Variants in UBAP1 observed in about 807,000 individuals in gnomAD.
The protein encoded by UBAP1 is ubiquitin associated protein 1.
In UBAP1, 5 loss-of-function variants were observed where a neutral mutation model predicts 39.0. The observed-to-expected ratio is 0.13, with a 90% CI of 0.07 to 0.27. The LOEUF is 0.27. UBAP1 is among the 10% of genes least tolerant of loss of function. The probability of loss-of-function intolerance (pLI) is 1.00; values close to 1 mark genes in which losing one functional copy is unlikely to be tolerated. For synonymous variants in UBAP1, 211 were observed against 225.1 expected, an observed-to-expected ratio of 0.94 and a Z score of 0.56; for missense variants, 490 against 608.1, an observed-to-expected ratio of 0.81 and a Z score of 2.04.
At chr9:34,224,076 G>C (rs577698947) in intron 2 of UBAP1, 18 of 633,780 alleles carry the variant, frequency 2.8e-5, no homozygotes, top group African/African-American at 2.8e-4. Context: ...CACTGTCCCG[G>C]CCTTGAAGTG....
chr9:34,235,343 G>A (rs1335938857), intron 3 of UBAP1, among the ~76,000 whole-genome samples: 1 of 143,980 alleles, frequency 6.9e-6, no homozygotes, highest in African/African-American at 2.5e-5. Flanking sequence ...ATATATATAT[G>A]TATGTATTTT....
At chr9:34,186,473 C>G (rs527321158) in intron 1 of UBAP1, among the ~76,000 whole-genome samples, 1 of 152,270 alleles carries the variant, frequency 6.6e-6, no homozygotes, top group East Asian at 1.9e-4. Context: ...CTTGTGGTTA[C>G]TGAGTCAAGA....
intron 1 of UBAP1, among the ~76,000 whole-genome samples, chr9:34,184,440 G>A (rs1331131763): frequency 6.6e-6 from 1 of 150,912 alleles, no homozygotes; most frequent in Non-Finnish European, 1.5e-5. Flanking sequence ...GACCATCCTG[G>A]CTAACACGGT....
In UBAP1 at chr9:34,179,180, G is replaced by A; in HGVS notation, c.-68G>A. 8.1e-7 allele frequency: 1 copy of A among 1,237,688 alleles called. No individual in the cohort carries two copies. Among genetic ancestry groups the A allele is most frequent in the Non-Finnish European group, 1.0e-6 (1 of 989,384 alleles). The allele number at this position is 1,237,688 out of a possible 1,614,324, so 76.7% of individuals were successfully genotyped here. ...CGGGAGCTCAGCGGGGACCGAGCCT[G>A]GGAGGCCGGCCGGTGCCAGCACCTT... On this transcript the variant is annotated 5_prime_UTR_variant, in exon 1 of 7. Transcript: ENST00000297661.
chr9:34,213,582 T>C (rs915632476), intron 1 of UBAP1, among the ~76,000 whole-genome samples: 1 of 152,002 alleles, frequency 6.6e-6, no homozygotes, highest in Non-Finnish European at 1.5e-5. Flanking sequence ...TGGGGAAAAG[T>C]GGAAAGCATT....
At chr9:34,250,548 A>G in intron 5 of UBAP1, 110 bp from the exon 6 acceptor site, 1 of 754,380 alleles carries the variant, frequency 1.3e-6, no homozygotes, top group Non-Finnish European at 2.2e-6. Context: ...CCAGTATCTG[A>G]CGGCCTGGGT....
At chr9:34,186,526 C>T (rs182477368) in intron 1 of UBAP1, among the ~76,000 whole-genome samples, 1 of 152,098 alleles carries the variant, frequency 6.6e-6, no homozygotes, top group Non-Finnish European at 1.5e-5. Flanking sequence ...CTCCTCAACA[C>T]TTGATATTGT....
chr9:34,226,802 C>T (rs1309790567), intron 2 of UBAP1, among the ~76,000 whole-genome samples: 1 of 151,838 alleles, frequency 6.6e-6, no homozygotes, highest in Non-Finnish European at 1.5e-5. Flanking sequence ...CTTTCTTATG[C>T]TGATTATTGT....
In UBAP1 at chr9:34,249,818, A is replaced by T. The variant is rs751901708; in HGVS notation, c.1123A>T (p.Met375Leu). 6.2e-7 allele frequency: 1 copy of T among 1,614,160 alleles called. No individual in the cohort carries two copies. Among genetic ancestry groups the T allele is most frequent in the East Asian group, 2.2e-5 (1 of 44,882 alleles). ...PNFSVSQVPN[M>L]PSCPQAYSEL... ...TTTCTCAGTGTCACAAGTGCCCAAC[A>T]TGCCCAGCTGTCCCCAGGCCTATTC... is the stretch of plus-strand genomic sequence containing the variant. Residue 375 changes from methionine to leucine, a missense_variant, in exon 5 of 7, where the codon ATG becomes TTG. This residue lies in a region of UBAP1 where 339 missense variants were observed against 390.0 expected (regional missense o/e 0.87). Coordinates refer to ENST00000297661, the MANE Select transcript of UBAP1 (RefSeq NM_016525.5).
At chr9:34,223,599 G>A (rs1832878224) in intron 2 of UBAP1, among the ~76,000 whole-genome samples, 1 of 152,042 alleles carries the variant, frequency 6.6e-6, no homozygotes, top group Non-Finnish European at 1.5e-5. Flanking sequence ...GACTACAGGT[G>A]CCTGCCACCA....
intron 4 of UBAP1, 85 bp downstream of exon 4, chr9:34,242,193 TC>T: frequency 3.6e-6 from 5 of 1,394,232 alleles, no homozygotes; most frequent in Non-Finnish European, 4.9e-6. Context: ...TTGATTTTTT[TC>T]GAGACAGGGT....
rs1486311316 is a variant in UBAP1 at position 34,228,580 on chromosome 9, CT to C, written c.35-5626del. 8.2e-3 allele frequency among the ~76,000 whole-genome samples: 1,119 copies of C among 136,558 alleles called. 11 individuals are homozygous for C. The highest frequency in any genetic ancestry group is 0.031 in the African/African-American group (1,048 of 33,668). 89.6% of individuals were successfully genotyped at this position (136,558 alleles called of 152,430 possible). On this transcript the variant is annotated intron_variant, in intron 2 of 6. Coordinates refer to ENST00000297661, the MANE Select transcript of UBAP1 (RefSeq NM_016525.5). ...CTGCTTTCTTTGTTTCCCCCCCCCC[CT>C]TTTTTTTTTGGAGATGGAGTCTCAG... is the stretch of plus-strand genomic sequence containing the variant.
intron 4 of UBAP1, among the ~76,000 whole-genome samples, chr9:34,248,756 T>C (rs1834309560): frequency 6.6e-6 from 1 of 152,226 alleles, no homozygotes; most frequent in Non-Finnish European, 1.5e-5. Context: ...TACATCTGTA[T>C]AATTTCGAAC....
At chr9:34,185,286 G>T (rs993259263) in intron 1 of UBAP1, among the ~76,000 whole-genome samples, 1 of 152,156 alleles carries the variant, frequency 6.6e-6, no homozygotes, top group Non-Finnish European at 1.5e-5. Flanking sequence ...AGTGGCTCAT[G>T]CCTGTAGTCC....
intron 2 of UBAP1, among the ~76,000 whole-genome samples, chr9:34,226,767 T>C (rs1276054235): frequency 6.6e-6 from 1 of 152,236 alleles, no homozygotes; most frequent in African/African-American, 2.4e-5. Flanking sequence ...GCTAATTTCT[T>C]TTGACCTAAC....
chr9:34,250,855 T>C lies in UBAP1; in HGVS notation c.1368+96T>C, dbSNP rs770170655. 3 of 1,017,480 alleles carry C rather than the reference T, an allele frequency of 2.9e-6. No homozygotes were observed. In the East Asian group the frequency reaches 7.5e-5, roughly 26 times the overall value. The allele number at this position is 1,017,480 out of a possible 1,614,324, so 63.0% of individuals were successfully genotyped here. On this transcript the variant is annotated intron_variant, in intron 6 of 6. Coordinates refer to ENST00000297661, the MANE Select transcript of UBAP1 (RefSeq NM_016525.5). ...CTTGGCCCACACACAACCTTTTTGC[T>C]TTGCCAGTGACTACAGGTACAAGTA...
In UBAP1 at chr9:34,179,079, G is replaced by A; in HGVS notation, c.-169G>A. 1 of 1,279,812 alleles carries A rather than the reference G, an allele frequency of 7.8e-7. No homozygotes were observed. The highest frequency in any genetic ancestry group is 2.6e-5 in the South Asian group (1 of 37,974). The allele number at this position is 1,279,812 out of a possible 1,614,324, so 79.3% of individuals were successfully genotyped here. On this transcript the variant is annotated 5_prime_UTR_variant, in exon 1 of 7. Transcript: ENST00000297661. Reference sequence around the variant, plus strand: ...CTTCAACATGGCGGCTGCGGCACTGGCGGTGGCTACGGTGACGGCCTGGCC... The same window carrying A: ...CTTCAACATGGCGGCTGCGGCACTGACGGTGGCTACGGTGACGGCCTGGCC...
intron 1 of UBAP1, among the ~76,000 whole-genome samples, chr9:34,207,105 G>A (rs1344731039): frequency 6.3e-5 from 8 of 126,252 alleles, no homozygotes; most frequent in Non-Finnish European, 1.1e-4. Context: ...AGGCTGGAGT[G>A]CAATGGTGTG....
intron 1 of UBAP1, among the ~76,000 whole-genome samples, chr9:34,204,172 C>G (rs564025825): frequency 6.6e-6 from 1 of 152,064 alleles, no homozygotes; most frequent in South Asian, 2.1e-4. Flanking sequence ...ACTAAAAATA[C>G]AAAAATTAGC....
Sources: allele counts gnomAD v4.1 joint callset (sites outside exome capture counted in the v4.1 genomes callset), GRCh38; gene constraint gnomAD v4.1.1; regional missense constraint gnomAD v4.1.1; transcripts MANE v1.5; gene names NCBI Gene and HGNC (gene_info 2026-07-23, HGNC 2026-07-21).